The following ASAP3 variants were observed in gnomAD, a reference collection of about 807,000 sequenced individuals.
ASAP3 encodes arf-GAP with SH3 domain, ANK repeat and PH domain-containing protein 3.
A neutral mutation model predicts 118.2 loss-of-function variants in ASAP3; 85 were observed. That is an observed-to-expected ratio of 0.72 (90% CI 0.60 to 0.86). The LOEUF (loss-of-function observed/expected upper bound fraction) is 0.86. Ranked by LOEUF, ASAP3 falls within the 40% of genes least tolerant of loss-of-function variation. ASAP3 has a pLI of 0.00. For missense variants in ASAP3, 1,026 were observed against 1,175.0 expected (o/e 0.87, Z 1.85); for synonymous variants, 432 against 477.4 (o/e 0.90, Z 1.24).
At position 23,429,830 on chromosome 1, in the gene ASAP3, T is replaced by C. The variant is rs1303736023; in HGVS notation, c.*26A>G. 2.5e-6 allele frequency: 4 copies of C among 1,610,168 alleles called. No homozygotes were observed. The highest frequency in any genetic ancestry group is 3.4e-6 in the Non-Finnish European group (4 of 1,177,898). On this transcript the variant is annotated 3_prime_UTR_variant, in exon 25 of 25. Transcript: ENST00000336689. The stretch of plus-strand genomic sequence containing the variant: ...CAGCTCTGAACATTGGGGCCTAGCA[T>C]GGGGCATGTGGGGGCCAGCAAGGAG...
chr1:23,439,191 C>G lies in ASAP3; in HGVS notation c.984G>C (p.Lys328Asn). 7 of 1,614,166 alleles carry G rather than the reference C, an allele frequency of 4.3e-6. No individual in the cohort carries two copies. Among genetic ancestry groups the G allele is most frequent in the Non-Finnish European group, 5.9e-6 (7 of 1,180,022 alleles). Reference protein sequence around the residue: ...RVWQKRKCGVKYGCLTISHST... With the variant: ...RVWQKRKCGVNYGCLTISHST... ...TGTGTGAGATGGTCAGGCAGCCATA[C>G]TTGACTCCACACTTCCTTTTCTGCC... is the stretch of plus-strand genomic sequence containing the variant. Residue 328 changes from lysine to asparagine, a missense_variant, in exon 11 of 25, where the codon AAG becomes AAC. Coordinates refer to ENST00000336689, the MANE Select transcript of ASAP3 (RefSeq NM_017707.4).
Position 23,431,799 on chromosome 1 carries a change from G to A in ASAP3, c.2443C>T (p.Pro815Ser). 2.6e-6 allele frequency: 4 copies of A among 1,552,050 alleles called. No homozygotes were observed. Among genetic ancestry groups the A allele is most frequent in the South Asian group, 1.2e-5 (1 of 80,872 alleles). Residue 815 changes from proline to serine, a missense_variant, in exon 23 of 25, where the codon CCA becomes TCA. Coordinates refer to ENST00000336689, the MANE Select transcript of ASAP3 (RefSeq NM_017707.4). ...PLEPGDPSQA[P>S]PNSEEGLREP... ...CGGAGGCCCTCTTCAGAGTTGGGTGGGGCTTGGCTGGGATCCCCAGGTTCC... is the reference window on the plus strand; with the variant it reads ...CGGAGGCCCTCTTCAGAGTTGGGTGAGGCTTGGCTGGGATCCCCAGGTTCC...
chr1:23,437,849 C>T lies in ASAP3; in HGVS notation c.1103-377G>A, dbSNP rs1273269686. ...GGCGACCAGGCCTCCTGTCTGGTCT[C>T]CCTGCTTCCCATTTCCCCTTTCCCC... On this transcript the variant is annotated intron_variant, in intron 12 of 24. Coordinates refer to ENST00000336689, the MANE Select transcript of ASAP3 (RefSeq NM_017707.4). The surrounding 1 kb of genome is among the most constrained non-coding windows in gnomAD (Gnocchi z 6.1). Among the ~76,000 whole-genome samples the T allele has an allele frequency of 1.3e-5, 2 of 152,136 alleles. No homozygotes were observed. Among genetic ancestry groups the T allele is most frequent in the Non-Finnish European group, 2.9e-5 (2 of 68,016 alleles).
Position 23,429,061 on chromosome 1 carries a change from A to G in ASAP3, c.*795T>C, listed in dbSNP as rs1640331758. On this transcript the variant is annotated 3_prime_UTR_variant, in exon 25 of 25. Transcript: ENST00000336689. ...TCCTGCTAAATCAAGGACACAGGCA[A>G]ATGTGGGTGCATCTGACTCTACAAT... is the stretch of plus-strand genomic sequence containing the variant. 1 of 154,546 alleles carries G rather than the reference A, an allele frequency of 6.5e-6. No individual in the cohort carries two copies. The highest frequency in any genetic ancestry group is 2.4e-5 in the African/African-American group (1 of 41,510). The allele number at this position is 154,546 out of a possible 1,614,324, so 9.6% of individuals were successfully genotyped here.
chr1:23,452,610 A>G, intron 4 of ASAP3, 87 bp downstream of exon 4: 1 of 1,424,826 alleles, frequency 7.0e-7, no homozygotes, highest in Non-Finnish European at 9.9e-7. Flanking sequence ...CCTGGCCTCC[A>G]CCCTCAGTCC....
At position 23,484,165 on chromosome 1, in the gene ASAP3, G is replaced by T. The variant is rs71514236; in HGVS notation, c.-32C>A. On this transcript the variant is annotated 5_prime_UTR_variant, in exon 1 of 25. Transcript: ENST00000336689. ...CGCGAGCGTGGAGCTGCCGGAGCGG[G>T]GCGCGGGGGGCACTGAGCTGCTCCG... The T allele has an allele frequency of 2.4e-6, 3 of 1,246,922 alleles. No homozygotes were observed. The highest frequency in any genetic ancestry group is 3.0e-6 in the Non-Finnish European group (3 of 996,268). 77.2% of individuals were successfully genotyped at this position (1,246,922 alleles called of 1,614,324 possible).
At chr1:23,468,285 T>C (rs946376955) in intron 1 of ASAP3, among the ~76,000 whole-genome samples, 1 of 152,238 alleles carries the variant, frequency 6.6e-6, no homozygotes, top group Non-Finnish European at 1.5e-5. Context: ...TGAGCACTAC[T>C]GACGAGTATA....
At chr1:23,443,673 G>C (rs895555248) in intron 5 of ASAP3, among the ~76,000 whole-genome samples, 2 of 151,286 alleles carry the variant, frequency 1.3e-5, no homozygotes, top group African/African-American at 2.4e-5. Flanking sequence ...TGGGATTACA[G>C]GTGCCCACCT....
chr1:23,467,980 A>G (rs987632035), intron 1 of ASAP3, among the ~76,000 whole-genome samples: 28 of 152,088 alleles, frequency 1.8e-4, no homozygotes, highest in African/African-American at 6.3e-4. Context: ...AAAAAGAAAA[A>G]AAAAATACAA....
At chr1:23,455,779 G>C in intron 3 of ASAP3, 102 bp downstream of exon 3, 8 of 1,490,710 alleles carry the variant, frequency 5.4e-6, no homozygotes, top group Non-Finnish European at 7.3e-6. Flanking sequence ...CAGAGATCAA[G>C]GGCAAATTGG....
chr1:23,434,768 T>G lies in ASAP3; in HGVS notation c.1750-150A>C, dbSNP rs72883002. On this transcript the variant is annotated intron_variant, in intron 17 of 24. Coordinates refer to ENST00000336689, the MANE Select transcript of ASAP3 (RefSeq NM_017707.4). ...ATGAGACTGCAAGGGCAGAGCCTCA[T>G]GTCTGGGAGGAAGGTGAAGGGCCAT... The G allele has an allele frequency of 2.6e-3, 1,838 of 701,304 alleles. 26 individuals carry two copies. The African/African-American group carries it at 0.029, about 11-fold the overall frequency. 43.4% of individuals were successfully genotyped at this position (701,304 alleles called of 1,614,324 possible). A position where few individuals can be genotyped will look rare whatever the true frequency, so the allele number is the denominator to read the frequency against.
intron 5 of ASAP3, among the ~76,000 whole-genome samples, chr1:23,444,095 C>T (rs1318352095): frequency 6.6e-6 from 1 of 152,140 alleles, no homozygotes. Flanking sequence ...TCTTTGAACT[C>T]GGGCCTCAAG....
chr1:23,452,679 C>T lies in ASAP3; in HGVS notation c.423+18G>A. 6.2e-7 allele frequency: 1 copy of T among 1,612,442 alleles called. No homozygotes were observed. The highest frequency in any genetic ancestry group is 8.5e-7 in the Non-Finnish European group (1 of 1,178,736). ...TCTTTTACTCTGTCCCACCACCACT[C>T]CCAGCATGGAGACTCACCTGTCGAC... On this transcript the variant is annotated intron_variant, in intron 4 of 24. Transcript: ENST00000336689.
chr1:23,442,394 AG>A, intron 6 of ASAP3, 106 bp downstream of exon 6: 1 of 1,586,268 alleles, frequency 6.3e-7, no homozygotes, highest in African/African-American at 1.3e-5. Context: ...GACATCCCAC[AG>A]GGCCATGTGG....
rs906366877 is a variant in ASAP3 at position 23,468,132 on chromosome 1, T to C, written c.130-11938A>G. On this transcript the variant is annotated intron_variant, in intron 1 of 24. Coordinates refer to ENST00000336689, the MANE Select transcript of ASAP3 (RefSeq NM_017707.4). ...GCGAGGCACAGAACAGTGAAGATCA[T>C]TGCCTGAGCTCACACAGCCAAAATG... Among the ~76,000 whole-genome samples the C allele has an allele frequency of 3.9e-5, 6 of 152,174 alleles. No individual in the cohort carries two copies. The East Asian group carries it at 1.2e-3, about 29-fold the overall frequency.
At chr1:23,447,564 T>G (rs1641089229) in intron 5 of ASAP3, among the ~76,000 whole-genome samples, 1 of 152,214 alleles carries the variant, frequency 6.6e-6, no homozygotes, top group African/African-American at 2.4e-5. Flanking sequence ...TAATGACACC[T>G]AGTCCTTGGA....
At chr1:23,446,828 C>CTTT (rs1186657360) in intron 5 of ASAP3, among the ~76,000 whole-genome samples, 1 of 152,086 alleles carries the variant, frequency 6.6e-6, no homozygotes, top group East Asian at 1.9e-4. Context: ...ATCAATCATC[C>CTTT]TTTTGTTCAG....
At chr1:23,460,506 C>CAAAAAAAAAAAAAAAAAAAAAA (rs71023213) in intron 1 of ASAP3, among the ~76,000 whole-genome samples, 1 of 84,798 alleles carries the variant, frequency 1.2e-5, no homozygotes, top group Non-Finnish European at 2.2e-5. Context: ...GACTCCATCT[C>CAAAAAAAAAAAAAAAAAAAAAA]AAAAAAAAAA....
chr1:23,442,323 G>C, intron 6 of ASAP3, 52 bp from the exon 7 acceptor site: 1 of 1,574,494 alleles, frequency 6.4e-7, no homozygotes, highest in Non-Finnish European at 8.6e-7. Context: ...CAGAATCCTG[G>C]GAACGAGGGG....
Sources: allele counts gnomAD v4.1 joint callset (sites outside exome capture counted in the v4.1 genomes callset), GRCh38; gene constraint gnomAD v4.1.1; non-coding constraint Gnocchi (gnomAD v3.1); transcripts MANE v1.5; gene names NCBI Gene and HGNC (gene_info 2026-07-23, HGNC 2026-07-21).